PTTG1IP2: variants seen among roughly 807,000 people sequenced by gnomAD.
PTTG1IP2 encodes the protein PTTG1IP family member 2.
At chr7:90,490,351 A>C (rs758053189) in intron 4 of PTTG1IP2, among the ~76,000 whole-genome samples, 19 of 152,134 alleles carry the variant, frequency 1.2e-4, no homozygotes, top group Non-Finnish European at 2.2e-4. Flanking sequence ...TGACCCAAAA[A>C]TAAGATAAAT....
chr7:90,507,046 T>C (rs1416091741), intron 6 of PTTG1IP2, among the ~76,000 whole-genome samples: 1 of 152,230 alleles, frequency 6.6e-6, no homozygotes, highest in Non-Finnish European at 1.5e-5. Context: ...CAATTTTTAT[T>C]CTTTCAATAT....
chr7:90,488,284 C>A (rs1444109405), intron 3 of PTTG1IP2, among the ~76,000 whole-genome samples: 1 of 151,252 alleles, frequency 6.6e-6, no homozygotes, highest in African/African-American at 2.4e-5. Flanking sequence ...CATGTTTTTG[C>A]CTTATAAAGA....
intron 6 of PTTG1IP2, among the ~76,000 whole-genome samples, chr7:90,506,480 A>G (rs1798126134): frequency 6.6e-6 from 1 of 152,030 alleles, no homozygotes; most frequent in South Asian, 2.1e-4. Context: ...TTGTATTCTT[A>G]GGCTGGGCTT....
intron 1 of PTTG1IP2, among the ~76,000 whole-genome samples, chr7:90,475,743 G>C (rs1042042696): frequency 6.6e-6 from 1 of 152,090 alleles, no homozygotes; most frequent in Non-Finnish European, 1.5e-5. Context: ...GGTGGATCAC[G>C]AGGTCAGGAG....
At chr7:90,488,190 T>C (rs184475141) in intron 3 of PTTG1IP2, among the ~76,000 whole-genome samples, 1 of 152,196 alleles carries the variant, frequency 6.6e-6, no homozygotes. Context: ...TGTCTTCTTT[T>C]TTCCTTCACT....
rs1381484469 is a variant in PTTG1IP2 at position 90,494,400 on chromosome 7, C to G, written c.*20C>G. On this transcript the variant is annotated 3_prime_UTR_variant, in exon 6 of 7. Coordinates refer to ENST00000509356, the MANE Select transcript of PTTG1IP2 (RefSeq NM_001365443.2). ...GAATAGATAATTGAAAAGAGATCCTCCAGAAAGAGCAGAAGGAAGTTTCTT... is the reference window on the plus strand; with the variant it reads ...GAATAGATAATTGAAAAGAGATCCTGCAGAAAGAGCAGAAGGAAGTTTCTT... 6.6e-6 allele frequency: 1 copy of G among 152,030 alleles called. No individual in the cohort carries two copies. Among genetic ancestry groups the G allele is most frequent in the Admixed American group, 6.5e-5 (1 of 15,270 alleles). 9.4% of individuals were successfully genotyped at this position (152,030 alleles called of 1,614,324 possible).
chr7:90,476,793 A>T (rs1797753254), intron 1 of PTTG1IP2, among the ~76,000 whole-genome samples: 1 of 152,198 alleles, frequency 6.6e-6, no homozygotes, highest in South Asian at 2.1e-4. Context: ...GGTAAATAAA[A>T]TATAAGAAGA....
At chr7:90,482,525 A>G (rs944743470) in intron 2 of PTTG1IP2, among the ~76,000 whole-genome samples, 2 of 148,624 alleles carry the variant, frequency 1.3e-5, no homozygotes, top group African/African-American at 4.9e-5. Context: ...CACACAACTC[A>G]TAAACATAGC....
intron 6 of PTTG1IP2, among the ~76,000 whole-genome samples, chr7:90,495,069 T>C (rs557865587): frequency 1.3e-5 from 2 of 152,282 alleles, no homozygotes; most frequent in South Asian, 2.1e-4. Context: ...AGTGGAGATA[T>C]AACAGTTCAG....
intron 2 of PTTG1IP2, among the ~76,000 whole-genome samples, chr7:90,482,318 T>A (rs946699593): frequency 6.6e-6 from 1 of 152,268 alleles, no homozygotes; most frequent in East Asian, 1.9e-4. Context: ...AGAATATATA[T>A]ACCAACTCCT....
chr7:90,472,454 G>A (rs933428936), intron 1 of PTTG1IP2, among the ~76,000 whole-genome samples: 11 of 152,142 alleles, frequency 7.2e-5, no homozygotes, highest in African/African-American at 2.7e-4. Flanking sequence ...CAAGATATCA[G>A]AATGAAATTA....
At chr7:90,501,030 A>G (rs1158317303) in intron 6 of PTTG1IP2, among the ~76,000 whole-genome samples, 1 of 152,192 alleles carries the variant, frequency 6.6e-6, no homozygotes, top group Non-Finnish European at 1.5e-5. Flanking sequence ...AATTTATTTC[A>G]ATTATATATT....
intron 1 of PTTG1IP2, among the ~76,000 whole-genome samples, chr7:90,475,366 T>C (rs779923008): frequency 1.1e-4 from 16 of 152,212 alleles, no homozygotes; most frequent in Non-Finnish European, 1.9e-4. Flanking sequence ...GGGTCTAGGA[T>C]GTATGTCTCT....
intron 1 of PTTG1IP2, among the ~76,000 whole-genome samples, chr7:90,477,329 C>A (rs1797759861): frequency 6.6e-6 from 1 of 152,052 alleles, no homozygotes; most frequent in Non-Finnish European, 1.5e-5. Context: ...TCAGCTGTAC[C>A]CTCATTAGTT....
chr7:90,494,228 T>C (rs1196010484), intron 5 of PTTG1IP2, 139 bp from the exon 6 acceptor site: 1 of 152,240 alleles, frequency 6.6e-6, no homozygotes, highest in Admixed American at 6.5e-5. Flanking sequence ...AATATTAAAA[T>C]AGCAACAGTA....
At chr7:90,498,513 G>T (rs1190009527) in intron 6 of PTTG1IP2, among the ~76,000 whole-genome samples, 1 of 151,962 alleles carries the variant, frequency 6.6e-6, no homozygotes, top group African/African-American at 2.4e-5. Flanking sequence ...AGAGAGCAGG[G>T]GTAGCTATAC....
chr7:90,512,384 A>G (rs948619020), intron 6 of PTTG1IP2, among the ~76,000 whole-genome samples: 12 of 152,282 alleles, frequency 7.9e-5, no homozygotes, highest in Middle Eastern at 3.4e-3. Context: ...GGAAAGGCCT[A>G]TTTATTGAAG....
At chr7:90,498,877 G>A (rs996417723) in intron 6 of PTTG1IP2, among the ~76,000 whole-genome samples, 7 of 151,910 alleles carry the variant, frequency 4.6e-5, no homozygotes, top group African/African-American at 1.5e-4. Context: ...TTTGAGACAG[G>A]GTCTCGCTCT....
chr7:90,474,093 T>C (rs2116043755), intron 1 of PTTG1IP2, among the ~76,000 whole-genome samples: 1 of 152,290 alleles, frequency 6.6e-6, no homozygotes, highest in East Asian at 1.9e-4. Context: ...CAAACCTAGA[T>C]AGTATAGCCT....
Sources: gnomAD v4.1 joint callset for allele counts (sites outside exome capture counted in the v4.1 genomes callset) on GRCh38, gnomAD v4.1.1 for gene constraint, MANE v1.5 for transcripts, NCBI Gene and HGNC (gene_info 2026-07-23, HGNC 2026-07-21) for gene names.